CACHD1: variants seen among roughly 807,000 people sequenced by gnomAD.
CACHD1 encodes VWFA and cache domain-containing protein 1.
In CACHD1, 71 loss-of-function variants were observed where a neutral mutation model predicts 138.7. The observed-to-expected ratio is 0.51, with a 90% confidence interval of 0.42 to 0.62. CACHD1 has a LOEUF of 0.62. CACHD1 is among the 20% of genes least tolerant of loss of function. The pLI is 0.00. For missense variants in CACHD1, 1,389 were observed against 1,625.3 expected (o/e 0.85, Z 2.50); for synonymous variants, 578 against 591.5 (o/e 0.98, Z 0.33).
chr1:64,555,891 G>A (rs1646793517), intron 2 of CACHD1, among the ~76,000 whole-genome samples: 1 of 152,126 alleles, frequency 6.6e-6, no homozygotes, highest in Non-Finnish European at 1.5e-5. Flanking sequence ...TTTTCAGTGT[G>A]TTTTCTGTCA....
intron 19 of CACHD1, 148 bp from the exon 20 acceptor site, chr1:64,675,253 C>G (rs1649946141): frequency 3.7e-6 from 2 of 545,682 alleles, no homozygotes; most frequent in Admixed American, 6.5e-5. Context: ...TTAACAGTGA[C>G]TATATATTTT....
intron 4 of CACHD1, among the ~76,000 whole-genome samples, chr1:64,618,080 C>CAAAAAAAAAA (rs11418731): frequency 6.9e-6 from 1 of 144,248 alleles, no homozygotes; most frequent in African/African-American, 2.6e-5. Flanking sequence ...AACTCAGTCT[C>CAAAAAAAAAA]AAAAAAAAAA....
At chr1:64,630,054 A>G (rs1039976034) in intron 5 of CACHD1, among the ~76,000 whole-genome samples, 4 of 152,200 alleles carry the variant, frequency 2.6e-5, no homozygotes, top group African/African-American at 7.2e-5. Flanking sequence ...GATACTTTGT[A>G]TGACAAGACT....
rs1409540268 is a variant in CACHD1 at position 64,692,479 on chromosome 1, C to G, written c.*918C>G. ...TGCTATTCTTAGGTTTCTACGAAAC[C>G]TAATGTTAGAACCGCATCCTTTCAG... is the stretch of plus-strand genomic sequence containing the variant. On this transcript the variant is annotated 3_prime_UTR_variant, in exon 27 of 27. Coordinates refer to ENST00000651257, the MANE Select transcript of CACHD1 (RefSeq NM_020925.4). The G allele has an allele frequency of 6.6e-6, 1 of 152,126 alleles. No homozygotes were observed. The allele number at this position is 152,126 out of a possible 1,614,324, so 9.4% of individuals were successfully genotyped here. A position where few individuals can be genotyped will look rare whatever the true frequency, so the allele number is the denominator to read the frequency against.
intron 1 of CACHD1, among the ~76,000 whole-genome samples, chr1:64,515,370 G>T (rs1276262582): frequency 6.6e-6 from 1 of 152,166 alleles, no homozygotes; most frequent in East Asian, 1.9e-4. Context: ...CTTTGTGCAA[G>T]AGACTGAATT....
intron 1 of CACHD1, among the ~76,000 whole-genome samples, chr1:64,521,726 T>C (rs1321600570): frequency 1.3e-5 from 2 of 152,200 alleles, no homozygotes; most frequent in Non-Finnish European, 2.9e-5. Flanking sequence ...GTATATGTTT[T>C]TGAGTGGTAT....
At chr1:64,574,954 T>C (rs539549634) in intron 2 of CACHD1, among the ~76,000 whole-genome samples, 1 of 152,342 alleles carries the variant, frequency 6.6e-6, no homozygotes, top group South Asian at 2.1e-4. Flanking sequence ...ATTAACCATA[T>C]GGATGAGTTA....
intron 1 of CACHD1, among the ~76,000 whole-genome samples, chr1:64,491,260 C>CT (rs200146551): frequency 0.098 from 14,136 of 144,230 alleles, 1,583 homozygotes; most frequent in African/African-American, 0.28. Context: ...CTCTCTCTCT[C>CT]TTTTTTTTTT....
intron 1 of CACHD1, among the ~76,000 whole-genome samples, chr1:64,543,184 G>A (rs1248924179): frequency 4.6e-5 from 7 of 151,210 alleles, no homozygotes; most frequent in African/African-American, 1.7e-4. Flanking sequence ...TTTCTTTTTA[G>A]TGGTAACCTT....
chr1:64,634,032 T>TTC lies in CACHD1; in HGVS notation c.790-12_790-11insTC. The TTC allele has an allele frequency of 6.4e-7, 1 of 1,572,034 alleles. No individual in the cohort carries two copies. The highest frequency in any genetic ancestry group is 8.6e-7 in the Non-Finnish European group (1 of 1,160,128). On this transcript the variant is annotated splice_polypyrimidine_tract_variant and intron_variant, in intron 6 of 26. Transcript: ENST00000651257. ...CAAGTTTGGTGGTTTTTTTTTTTTT[T>TTC]CTTTCCTGCAGATTTCTGTGTTAAC...
At chr1:64,669,778 T>C (rs7525513) in intron 16 of CACHD1, among the ~76,000 whole-genome samples, 34,796 of 151,922 alleles carry the variant, frequency 0.23, 6,613 homozygotes, top group East Asian at 0.75. Context: ...GAATCCTAGA[T>C]TTATGTAGGC....
At chr1:64,583,874 A>G (rs191525093) in intron 3 of CACHD1, among the ~76,000 whole-genome samples, 133 of 152,284 alleles carry the variant, frequency 8.7e-4, no homozygotes, top group African/African-American at 2.2e-3. Context: ...CACCGATTCA[A>G]TCATCTCCCA....
At position 64,641,131 on chromosome 1, in the gene CACHD1, A is replaced by C. The variant is rs377190188; in HGVS notation, c.1007-689A>C. 2.1e-3 allele frequency among the ~76,000 whole-genome samples: 320 copies of C among 151,954 alleles called. 17 individuals are homozygous for C. In the South Asian group the frequency reaches 0.065, roughly 31 times the overall value. ...TAGTCTTTACGTAAAATAACCAATT[A>C]TTCTTCACAGCAACACTACTAAGTC... On this transcript the variant is annotated intron_variant, in intron 7 of 26. Transcript: ENST00000651257.
chr1:64,653,567 A>T (rs531929068), intron 10 of CACHD1, among the ~76,000 whole-genome samples, 191 bp from the exon 11 acceptor site: 8 of 152,288 alleles, frequency 5.3e-5, no homozygotes, highest in Admixed American at 3.3e-4. Flanking sequence ...AATTTAAGAC[A>T]TCTTTCTACG....
chr1:64,644,113 G>A (rs1236614844), intron 8 of CACHD1, among the ~76,000 whole-genome samples: 1 of 152,244 alleles, frequency 6.6e-6, no homozygotes, highest in South Asian at 2.1e-4. Context: ...TTTGCATTCT[G>A]AGCGCTTAGC....
At chr1:64,559,577 T>A (rs1646823372) in intron 2 of CACHD1, among the ~76,000 whole-genome samples, 2 of 152,070 alleles carry the variant, frequency 1.3e-5, no homozygotes, top group Admixed American at 1.3e-4. Flanking sequence ...GATAAAATAA[T>A]ATGTACAACA....
At chr1:64,488,999 G>A (rs1646258937) in intron 1 of CACHD1, among the ~76,000 whole-genome samples, 1 of 152,158 alleles carries the variant, frequency 6.6e-6, no homozygotes, top group Admixed American at 6.5e-5. Context: ...GGTCAGCTCT[G>A]GGAAATCATG....
chr1:64,619,111 T>G (rs1647818287), intron 4 of CACHD1, among the ~76,000 whole-genome samples: 1 of 152,146 alleles, frequency 6.6e-6, no homozygotes, highest in Admixed American at 6.5e-5. Context: ...GTTGGTTTTG[T>G]TTTGACTGCA....
chr1:64,604,172 AGGT>A (rs1254562699), intron 4 of CACHD1, among the ~76,000 whole-genome samples: 15 of 152,354 alleles, frequency 9.8e-5, no homozygotes, highest in Non-Finnish European at 1.8e-4. Context: ...GTAATCTATT[AGGT>A]CTGAAAAGAA....
Sources: gnomAD v4.1 joint callset for allele counts (sites outside exome capture counted in the v4.1 genomes callset) on GRCh38, gnomAD v4.1.1 for gene constraint, MANE v1.5 for transcripts, NCBI Gene and HGNC (gene_info 2026-07-23, HGNC 2026-07-21) for gene names.